The following XYLT1 variants were observed in gnomAD, a reference collection of about 807,000 sequenced individuals.
XYLT1 encodes the protein xylosyltransferase 1, also known as beta-D-xylosyltransferase 1.
Under a neutral mutation model 91.3 loss-of-function variants are expected in XYLT1, and 36 were observed. The ratio of observed to expected loss-of-function variants is 0.39; its 90% CI spans 0.30 to 0.52. XYLT1 has a LOEUF of 0.52. XYLT1 is among the 20% of genes least tolerant of loss of function. The probability of loss-of-function intolerance (pLI) is 0.68; values close to 1 mark genes in which losing one functional copy is unlikely to be tolerated. For synonymous variants in XYLT1, 588 were observed against 532.0 expected (o/e 1.11, Z -1.45); for missense variants, 1,242 against 1,284.5 (o/e 0.97, Z 0.51).
intron 2 of XYLT1, chr16:17,338,071 G>A (rs934337032): frequency 5.4e-5 from 22 of 405,554 alleles, no homozygotes; most frequent in African/African-American, 3.7e-4. Flanking sequence ...CCCGGCCCCC[G>A]TTCTACATTT....
chr16:17,235,121 A>G (rs991633038), intron 3 of XYLT1, among the ~76,000 whole-genome samples: 1 of 152,016 alleles, frequency 6.6e-6, no homozygotes, highest in African/African-American at 2.4e-5. Flanking sequence ...TTAGTGTGAA[A>G]AGTAGCTTGT....
intron 3 of XYLT1, among the ~76,000 whole-genome samples, chr16:17,218,276 A>T (rs2032898469): frequency 6.6e-6 from 1 of 152,094 alleles, no homozygotes; most frequent in African/African-American, 2.4e-5. Context: ...CAAAACACCA[A>T]AAAAACAAAC....
intron 3 of XYLT1, among the ~76,000 whole-genome samples, chr16:17,226,691 G>A (rs531112911): frequency 1.3e-5 from 2 of 152,310 alleles, no homozygotes; most frequent in East Asian, 3.9e-4. Context: ...GCTGAGGTGG[G>A]AGGATGGCTT....
intron 11 of XYLT1, among the ~76,000 whole-genome samples, chr16:17,115,684 C>T (rs12934436): frequency 0.52 from 78,683 of 150,690 alleles, 24,176 homozygotes; most frequent in Non-Finnish European, 0.68. Context: ...ACCATGTTGG[C>T]CAGGCTGGTC....
rs372302393 is a variant in XYLT1, at chr16:17,340,702, G to A, written c.402+17310C>T. Among the ~76,000 whole-genome samples the A allele has an allele frequency of 2.3e-3, 353 of 152,304 alleles. 1 individual carries two copies. Among genetic ancestry groups the A allele is most frequent in the African/African-American group, 8.1e-3 (335 of 41,560 alleles). On this transcript the variant is annotated intron_variant, in intron 2 of 11. Transcript: ENST00000261381. ...TAACAACCATACCTCACTTACACAG[G>A]TTTATGGGGAGATTAAAGAGAATCT...
Position 17,300,811 on chromosome 16 carries a change from C to T in XYLT1, c.403-41313G>A, listed in dbSNP as rs562956566. 4.8e-4 allele frequency among the ~76,000 whole-genome samples: 73 copies of T among 152,138 alleles called. 1 individual carries two copies. The South Asian group carries it at 6.0e-3, about 13-fold the overall frequency. ...CCATGATATATATACTGAACCAGAA[C>T]AATCGATGAGCTAGATAGGTAAGCG... On this transcript the variant is annotated intron_variant, in intron 2 of 11. Transcript: ENST00000261381.
intron 1 of XYLT1, among the ~76,000 whole-genome samples, chr16:17,418,712 G>T (rs2141919176): frequency 6.6e-6 from 1 of 152,248 alleles, no homozygotes; most frequent in Admixed American, 6.5e-5. Context: ...GCCATCCATG[G>T]TGGTGAATGC....
chr16:17,307,898 G>T (rs2034490755), intron 2 of XYLT1, among the ~76,000 whole-genome samples: 1 of 152,180 alleles, frequency 6.6e-6, no homozygotes, highest in South Asian at 2.1e-4. Flanking sequence ...CTCTGCTGGG[G>T]TCTGCAGAGG....
chr16:17,377,751 A>G (rs2035621932), intron 1 of XYLT1, among the ~76,000 whole-genome samples: 1 of 152,150 alleles, frequency 6.6e-6, no homozygotes, highest in South Asian at 2.1e-4. Context: ...GATGCCTGTG[A>G]GTTTCAAGCA....
chr16:17,418,935 T>C (rs911510288), intron 1 of XYLT1, among the ~76,000 whole-genome samples: 1 of 152,130 alleles, frequency 6.6e-6, no homozygotes, highest in Non-Finnish European at 1.5e-5. Context: ...TCTGCAGTTA[T>C]AGCATGAGCG....
chr16:17,115,114 G>A (rs1259268024), intron 11 of XYLT1, among the ~76,000 whole-genome samples: 4 of 151,948 alleles, frequency 2.6e-5, no homozygotes, highest in Admixed American at 6.6e-5. Flanking sequence ...AGTGTGCTGG[G>A]ATTACAGGTG....
At chr16:17,232,296 A>G (rs976958581) in intron 3 of XYLT1, among the ~76,000 whole-genome samples, 6 of 143,872 alleles carry the variant, frequency 4.2e-5, no homozygotes, top group Non-Finnish European at 7.5e-5. Flanking sequence ...TATAATATCT[A>G]TATCTATAAT....
chr16:17,132,961 C>T (rs1054191351), intron 9 of XYLT1, among the ~76,000 whole-genome samples: 1 of 152,182 alleles, frequency 6.6e-6, no homozygotes, highest in Non-Finnish European at 1.5e-5. Context: ...CACTTCACAA[C>T]ACCTTATGAT....
intron 10 of XYLT1, 106 bp from the exon 11 acceptor site, chr16:17,118,085 G>T: frequency 8.3e-7 from 1 of 1,205,666 alleles, no homozygotes; most frequent in Non-Finnish European, 1.1e-6. Flanking sequence ...CCATTTTACA[G>T]ATGAAGAAAC....
intron 1 of XYLT1, among the ~76,000 whole-genome samples, chr16:17,431,793 A>G (rs141783579): frequency 1.5e-3 from 228 of 152,378 alleles, no homozygotes; most frequent in African/African-American, 5.3e-3. Flanking sequence ...CGTGACACAG[A>G]GCATTTTTTA....
rs147883236 is a variant in XYLT1, at chr16:17,427,610, C to T, written c.363+42824G>A. The stretch of plus-strand genomic sequence containing the variant: ...CAAGTTCTGCTTTTCAAATGCGTCA[C>T]CCCACATCCCCAACACAAGGTTGCC... On this transcript the variant is annotated intron_variant, in intron 1 of 11. Transcript: ENST00000261381. Among the ~76,000 whole-genome samples, 75 of 152,232 alleles carry T rather than the reference C, an allele frequency of 4.9e-4. 1 individual carries two copies. In the East Asian group the frequency reaches 0.012, roughly 25 times the overall value.
chr16:17,247,663 G>A (rs1032191757), intron 3 of XYLT1, among the ~76,000 whole-genome samples: 5 of 152,162 alleles, frequency 3.3e-5, no homozygotes, highest in African/African-American at 2.4e-5. Flanking sequence ...TTTCGCAGCC[G>A]ATAAAGTGGC....
chr16:17,470,728 C>A lies in XYLT1; in HGVS notation c.69G>T (p.Thr23=). ...CGACCAGCGTCTGCAGCAGCAGCAC[C>A]GTGAGCGCCGCGAGCAGCGCCGAGT... ...RSHSALLAAL[T]VLLLQTLVVW... Residue 23 remains threonine (T), a synonymous_variant, in exon 1 of 12, where the codon ACG becomes ACT. Coordinates refer to ENST00000261381, the MANE Select transcript of XYLT1 (RefSeq NM_022166.4). 3.5e-6 allele frequency: 4 copies of A among 1,148,020 alleles called. No homozygotes were observed. Among genetic ancestry groups the A allele is most frequent in the Non-Finnish European group, 2.2e-6 (2 of 917,146 alleles). The allele number at this position is 1,148,020 out of a possible 1,614,324, so 71.1% of individuals were successfully genotyped here. A position where few individuals can be genotyped will look rare whatever the true frequency, so the allele number is the denominator to read the frequency against.
chr16:17,369,190 C>T (rs1486617943), intron 1 of XYLT1, among the ~76,000 whole-genome samples: 2 of 141,808 alleles, frequency 1.4e-5, no homozygotes, highest in Admixed American at 7.4e-5. Context: ...AGTGCAGTGG[C>T]GTGATCTCGG....
Sources: allele counts gnomAD v4.1 joint callset (sites outside exome capture counted in the v4.1 genomes callset), GRCh38; gene constraint gnomAD v4.1.1; transcripts MANE v1.5; gene names NCBI Gene and HGNC (gene_info 2026-07-23, HGNC 2026-07-21).